The following EBF2 variants were observed in gnomAD, a reference collection of about 807,000 sequenced individuals.
EBF2 encodes EBF transcription factor 2, also known as transcription factor COE2.
EBF2 carries 21 observed loss-of-function variants against 72.8 expected under a neutral mutation model. That is an observed-to-expected ratio of 0.29 (90% CI 0.20 to 0.42). The LOEUF is 0.42. EBF2 is among the 10% of genes least tolerant of loss of function. The pLI is 1.00. For synonymous variants in EBF2, 299 were observed against 274.2 expected, an observed-to-expected ratio of 1.09 and a Z score of -0.89; for missense variants, 637 against 731.2, an observed-to-expected ratio of 0.87 and a Z score of 1.49.
chr8:25,926,137 G>C (rs530246790), intron 6 of EBF2, among the ~76,000 whole-genome samples: 4 of 152,228 alleles, frequency 2.6e-5, no homozygotes, highest in Admixed American at 1.3e-4. Context: ...CGGGAAGCAA[G>C]ACCACCAGGT....
intron 5 of EBF2, among the ~76,000 whole-genome samples, chr8:26,036,455 G>C (rs1159212488): frequency 1.3e-5 from 2 of 152,098 alleles, no homozygotes; most frequent in Non-Finnish European, 2.9e-5. Flanking sequence ...AATAGTAAAG[G>C]TATAAAAATA....
At position 25,962,090 on chromosome 8, in the gene EBF2, C is replaced by T. The variant is rs573442369; in HGVS notation, c.552-53535G>A. Among the ~76,000 whole-genome samples, 37 of 152,254 alleles carry T rather than the reference C, an allele frequency of 2.4e-4. 1 individual carries two copies. The Middle Eastern group carries it at 0.02, about 84-fold the overall frequency. Reference sequence around the variant, plus strand: ...AAGGAGGGGGCCAGGGAGGAACGTGCATTCTGAATGCCACGTACACGTCTT... The same window carrying T: ...AAGGAGGGGGCCAGGGAGGAACGTGTATTCTGAATGCCACGTACACGTCTT... On this transcript the variant is annotated intron_variant, in intron 6 of 15. Coordinates refer to ENST00000520164, the MANE Select transcript of EBF2 (RefSeq NM_022659.4).
intron 5 of EBF2, among the ~76,000 whole-genome samples, chr8:26,037,817 A>G (rs920652637): frequency 6.6e-6 from 1 of 151,870 alleles, no homozygotes. Flanking sequence ...GGGAAGGGAG[A>G]AAAAAAAAGT....
intron 6 of EBF2, among the ~76,000 whole-genome samples, chr8:25,947,119 G>A (rs1803783265): frequency 6.6e-6 from 1 of 152,142 alleles, no homozygotes; most frequent in Non-Finnish European, 1.5e-5. Context: ...TGGTTTAGCT[G>A]TGTCTCCACC....
At chr8:25,878,439 G>A (rs1802557502) in intron 10 of EBF2, among the ~76,000 whole-genome samples, 1 of 152,324 alleles carries the variant, frequency 6.6e-6, no homozygotes, top group Non-Finnish European at 1.5e-5. Flanking sequence ...TCAGCTCTGA[G>A]GTGGAACAGC....
intron 6 of EBF2, among the ~76,000 whole-genome samples, chr8:25,984,365 C>T (rs1234204775): frequency 1.3e-5 from 2 of 148,628 alleles, no homozygotes; most frequent in African/African-American, 5.3e-5. Flanking sequence ...TTACAAGGCA[C>T]AGAGCCTGAA....
intron 10 of EBF2, among the ~76,000 whole-genome samples, chr8:25,876,667 GTATCGTGT>G (rs1479140688): frequency 1.3e-5 from 2 of 152,130 alleles, no homozygotes; most frequent in African/African-American, 4.8e-5. Context: ...GATGGCCTTG[GTATCGTGT>G]TTTGTAATAA....
intron 6 of EBF2, among the ~76,000 whole-genome samples, chr8:26,011,409 T>A (rs529636773): frequency 2.0e-5 from 3 of 152,262 alleles, no homozygotes; most frequent in Non-Finnish European, 4.4e-5. Context: ...TTAAATAGCT[T>A]TAAATGCTGT....
chr8:25,997,429 A>T (rs1804651351), intron 6 of EBF2, among the ~76,000 whole-genome samples: 1 of 151,958 alleles, frequency 6.6e-6, no homozygotes, highest in Non-Finnish European at 1.5e-5. Context: ...AAATTAACCA[A>T]GCATGATGGT....
chr8:25,929,962 G>A (rs954852113), intron 6 of EBF2, among the ~76,000 whole-genome samples: 11 of 152,282 alleles, frequency 7.2e-5, no homozygotes, highest in Middle Eastern at 3.4e-3. Context: ...TGGCTGATGC[G>A]GGAGCCGAAT....
intron 6 of EBF2, among the ~76,000 whole-genome samples, chr8:26,004,384 G>T (rs978840176): frequency 2.6e-5 from 4 of 152,020 alleles, no homozygotes; most frequent in African/African-American, 7.2e-5. Context: ...ATTAAGATAG[G>T]ACTAAATAAG....
intron 5 of EBF2, among the ~76,000 whole-genome samples, chr8:26,039,147 G>C (rs933518334): frequency 1.3e-5 from 2 of 151,956 alleles, no homozygotes; most frequent in African/African-American, 4.8e-5. Flanking sequence ...GCACCCAACC[G>C]ATACCGGGCA....
At chr8:26,014,764 A>G (rs139447403) in intron 6 of EBF2, among the ~76,000 whole-genome samples, 76 of 152,336 alleles carry the variant, frequency 5.0e-4, no homozygotes, top group Admixed American at 2.1e-3. Flanking sequence ...TAATTCTTAT[A>G]GGTTGACATA....
chr8:25,969,391 T>G (rs553426749), intron 6 of EBF2, among the ~76,000 whole-genome samples: 2 of 152,324 alleles, frequency 1.3e-5, no homozygotes, highest in South Asian at 4.1e-4. Context: ...AAATAGAAGA[T>G]AATCGAGACT....
chr8:25,925,509 C>T (rs1204212118), intron 6 of EBF2, among the ~76,000 whole-genome samples: 1 of 152,204 alleles, frequency 6.6e-6, no homozygotes, highest in Non-Finnish European at 1.5e-5. Context: ...CTTTGTTTCT[C>T]TAATTCCTGA....
intron 6 of EBF2, among the ~76,000 whole-genome samples, chr8:25,937,229 T>C (rs1803594309): frequency 6.6e-6 from 1 of 152,192 alleles, no homozygotes; most frequent in African/African-American, 2.4e-5. Context: ...GTGGATGTTT[T>C]TCCATGGGTA....
At chr8:25,857,930 T>C (rs1802126821) in intron 14 of EBF2, 1 of 359,068 alleles carries the variant, frequency 2.8e-6, no homozygotes, top group South Asian at 2.2e-5. Flanking sequence ...CTTCCTTGTC[T>C]ATAACATGAA....
intron 6 of EBF2, among the ~76,000 whole-genome samples, chr8:25,924,752 A>C (rs186394349): frequency 6.6e-6 from 1 of 152,352 alleles, no homozygotes; most frequent in Non-Finnish European, 1.5e-5. Context: ...CTGTGGTTTG[A>C]TGATCAGACG....
intron 6 of EBF2, among the ~76,000 whole-genome samples, chr8:26,009,304 G>A (rs1180718537): frequency 2.0e-5 from 3 of 151,984 alleles, no homozygotes; most frequent in Non-Finnish European, 2.9e-5. Context: ...AAGTATAAAC[G>A]TATTCAGCAT....
Sources: allele counts gnomAD v4.1 joint callset (sites outside exome capture counted in the v4.1 genomes callset), GRCh38; gene constraint gnomAD v4.1.1; transcripts MANE v1.5; gene names NCBI Gene and HGNC (gene_info 2026-07-23, HGNC 2026-07-21).